ETHE1: variants seen among roughly 807,000 people sequenced by gnomAD.
The protein encoded by ETHE1 is ETHE1 persulfide dioxygenase, also known as persulfide dioxygenase ETHE1, mitochondrial.
Under a neutral mutation model 25.7 loss-of-function variants are expected in ETHE1, and 16 were observed. That is an observed-to-expected ratio of 0.62 (90% confidence interval 0.42 to 0.95). The LOEUF is 0.95. Among genes scored for constraint, ETHE1 ranks in the 40% least tolerant of loss-of-function variants. The probability of loss-of-function intolerance (pLI) is 0.00; values close to 1 mark genes in which losing one functional copy is unlikely to be tolerated. For missense variants in ETHE1, 300 were observed against 333.6 expected (o/e 0.90, Z 0.79); for synonymous variants, 139 against 135.9 (o/e 1.02, Z -0.16).
At chr19:43,513,028 A>G (rs1971949566) in intron 3 of ETHE1, among the ~76,000 whole-genome samples, 1 of 152,226 alleles carries the variant, frequency 6.6e-6, no homozygotes, top group Admixed American at 6.5e-5. Context: ...CCATTGCTTC[A>G]GAGGGTGCAA....
At chr19:43,526,987 A>G in intron 1 of ETHE1, 110 bp downstream of exon 1, 3 of 1,532,886 alleles carry the variant, frequency 2.0e-6, no homozygotes, top group South Asian at 2.4e-5. Flanking sequence ...GCTTTCCGCA[A>G]GATGCAGGCG....
At chr19:43,515,269 T>C (rs1451992048) in intron 3 of ETHE1, among the ~76,000 whole-genome samples, 3 of 151,590 alleles carry the variant, frequency 2.0e-5, no homozygotes, top group South Asian at 2.1e-4. Flanking sequence ...ATACAAAAAT[T>C]AGCCAGGCAT....
intron 4 of ETHE1, among the ~76,000 whole-genome samples, chr19:43,509,127 C>T (rs1011979535): frequency 3.3e-5 from 5 of 152,164 alleles, no homozygotes; most frequent in Non-Finnish European, 5.9e-5. Flanking sequence ...CAAAGAGTGT[C>T]ATTTGTGACC....
chr19:43,507,170 GCCCTTCCTTCCTC>G (rs1971791134), intron 6 of ETHE1, among the ~76,000 whole-genome samples: 1 of 31,510 alleles, frequency 3.2e-5, no homozygotes, highest in Admixed American at 3.6e-4. Context: ...CAGTCCCCCA[GCCCTTCCTTCCTC>G]AGACCCAGGA....
chr19:43,512,735 A>G (rs1422935197), intron 3 of ETHE1, among the ~76,000 whole-genome samples: 4 of 105,780 alleles, frequency 3.8e-5, no homozygotes, highest in African/African-American at 1.5e-4. Flanking sequence ...GCAGCCTGAC[A>G]ATGTGATAGA....
At position 43,506,840 on chromosome 19, in the gene ETHE1, A is replaced by C; in HGVS notation, c.*10T>G. ...TTAATAGTGGATGGGAGCATCTGAC[A>C]GAAGTGAGATCAGGCAGTGGGTGTC... is the stretch of plus-strand genomic sequence containing the variant. On this transcript the variant is annotated 3_prime_UTR_variant, in exon 7 of 7. Transcript: ENST00000292147. The C allele has an allele frequency of 6.2e-7, 1 of 1,612,306 alleles. No individual in the cohort carries two copies. The highest frequency in any genetic ancestry group is 2.2e-5 in the East Asian group (1 of 44,866).
intron 4 of ETHE1, among the ~76,000 whole-genome samples, chr19:43,510,242 T>C (rs993349769): frequency 6.6e-6 from 1 of 152,112 alleles, no homozygotes; most frequent in Non-Finnish European, 1.5e-5. Context: ...GGGAAGCTCC[T>C]AAATCTAACT....
intron 3 of ETHE1, among the ~76,000 whole-genome samples, chr19:43,515,250 C>G (rs1454652641): frequency 3.3e-5 from 5 of 151,872 alleles, no homozygotes; most frequent in Non-Finnish European, 5.9e-5. Flanking sequence ...AACCCCATCT[C>G]TACTAAAAAT....
rs756287536 is a variant in ETHE1 at position 43,511,540 on chromosome 19, G to C, written c.402C>G (p.Gly134=). 1.9e-6 allele frequency: 3 copies of C among 1,613,924 alleles called. No individual in the cohort carries two copies. The highest frequency in any genetic ancestry group is 2.5e-6 in the Non-Finnish European group (3 of 1,180,012). The change falls in exon 4 of 7, where the codon GGC becomes GGG. Residue 134 remains glycine, a synonymous_variant. Transcript: ENST00000292147. ...CGAAGGTGACACAGCCTGGGGTGTGGCCAGGGCTGGCCCTGGTCTCCAACG... is the reference window on the plus strand; with the variant it reads ...CGAAGGTGACACAGCCTGGGGTGTGCCCAGGGCTGGCCCTGGTCTCCAACG... ...RFALETRASP[G]HTPGCVTFVL... is the part of the protein sequence containing the mutation.
chr19:43,526,788 G>A, intron 1 of ETHE1, 129 bp from the exon 2 acceptor site: 7 of 1,530,348 alleles, frequency 4.6e-6, no homozygotes, highest in Non-Finnish European at 6.2e-6. Context: ...CTTTCCCCGG[G>A]AGTCGGGAGT....
chr19:43,522,592 C>T (rs186381628), intron 3 of ETHE1, among the ~76,000 whole-genome samples: 1 of 152,312 alleles, frequency 6.6e-6, no homozygotes, highest in Non-Finnish European at 1.5e-5. Flanking sequence ...AGCGATTCCC[C>T]TGCCTCAGCC....
At chr19:43,526,745 C>G (rs991544162) in intron 1 of ETHE1, 86 bp from the exon 2 acceptor site, 171 of 1,599,692 alleles carry the variant, frequency 1.1e-4, no homozygotes, top group Non-Finnish European at 1.5e-4. Flanking sequence ...CTATCCTCTT[C>G]CTAAGATCCA....
chr19:43,516,543 G>A (rs1234365757), intron 3 of ETHE1, among the ~76,000 whole-genome samples: 3 of 150,802 alleles, frequency 2.0e-5, no homozygotes, highest in Non-Finnish European at 4.4e-5. Flanking sequence ...CAAATGATCC[G>A]CCTGCCTCAT....
At chr19:43,525,821 C>T (rs1167771870) in intron 3 of ETHE1, 1 of 318,320 alleles carries the variant, frequency 3.1e-6, no homozygotes, top group Non-Finnish European at 6.1e-6. Flanking sequence ...GATGCTCCTT[C>T]CTCAAACGGA....
intron 3 of ETHE1, among the ~76,000 whole-genome samples, chr19:43,521,888 G>A (rs994501627): frequency 2.0e-5 from 3 of 152,012 alleles, no homozygotes; most frequent in East Asian, 1.9e-4. Context: ...AGCATTATTC[G>A]TGGTAGCCAA....
chr19:43,508,743 T>C, intron 5 of ETHE1, 32 bp downstream of exon 5: 1 of 1,501,870 alleles, frequency 6.7e-7, no homozygotes, highest in Non-Finnish European at 9.1e-7. Flanking sequence ...CAAAGTTATG[T>C]ACGCCCCACA....
chr19:43,515,348 C>T (rs112395049), intron 3 of ETHE1, among the ~76,000 whole-genome samples: 2,757 of 145,162 alleles, frequency 0.019, 66 homozygotes, highest in African/African-American at 0.064. Flanking sequence ...ACCCGGGAGG[C>T]GGAGGTTGCA....
At chr19:43,522,258 C>G (rs993827779) in intron 3 of ETHE1, among the ~76,000 whole-genome samples, 1 of 152,120 alleles carries the variant, frequency 6.6e-6, no homozygotes, top group African/African-American at 2.4e-5. Flanking sequence ...TCAGTCTCTA[C>G]AAAAAATTGT....
chr19:43,526,225 T>C lies in ETHE1; in HGVS notation c.351A>G (p.Gly117=). ...GAQADLHIED[G]DSIRFGRFAL... is the part of the protein sequence containing the mutation. ...CGAAGCGCCCGAAGCGGATGGAGTC[T>C]CCATCCTCAATGTGTAAGTCAGCCT... The change falls in exon 3 of 7, where the codon GGA becomes GGG. Residue 117 remains glycine, a synonymous_variant. Transcript: ENST00000292147. The C allele has an allele frequency of 6.2e-7, 1 of 1,614,038 alleles. No homozygotes were observed. Among genetic ancestry groups the C allele is most frequent in the Non-Finnish European group, 8.5e-7 (1 of 1,180,020 alleles).
Sources: gnomAD v4.1 joint callset for allele counts (sites outside exome capture counted in the v4.1 genomes callset) on GRCh38, gnomAD v4.1.1 for gene constraint, MANE v1.5 for transcripts, NCBI Gene and HGNC (gene_info 2026-07-23, HGNC 2026-07-21) for gene names.